Variants in RBFOX1 observed in about 807,000 individuals in gnomAD.
RBFOX1 encodes RNA binding fox-1 homolog 1.
A neutral mutation model predicts 57.7 loss-of-function variants in RBFOX1; 8 were observed. That is an observed-to-expected ratio of 0.14 (90% confidence interval 0.08 to 0.25). The LOEUF is 0.25. Among genes scored for constraint, RBFOX1 ranks in the 10% least tolerant of loss-of-function variants. The pLI, the probability that RBFOX1 is intolerant of heterozygous loss-of-function variation, is 1.00. For synonymous variants in RBFOX1, 326 were observed against 222.4 expected (o/e 1.47, Z -4.15); for missense variants, 611 against 548.5 (o/e 1.11, Z -1.14).
intron 1 of RBFOX1, among the ~76,000 whole-genome samples, chr16:5,420,865 C>T (rs1340716073): frequency 6.8e-5 from 6 of 88,158 alleles, no homozygotes; most frequent in Admixed American, 5.2e-4. Flanking sequence ...TCTTCCTCCT[C>T]CTCCTCTCCC....
At chr16:7,306,010 G>T (rs2096175238) in intron 4 of RBFOX1, among the ~76,000 whole-genome samples, 1 of 152,146 alleles carries the variant, frequency 6.6e-6, no homozygotes, top group African/African-American at 2.4e-5. Context: ...TAGATGCTAA[G>T]CCTCAGTTGG....
chr16:5,604,243 C>G (rs761052427), downstream of RBFOX1, among the ~76,000 whole-genome samples: 4 of 152,192 alleles, frequency 2.6e-5, no homozygotes, highest in Non-Finnish European at 4.4e-5. Context: ...TGGCTTCAAA[C>G]AACACCTGTC....
At chr16:7,653,418 A>T (rs1209715069) in intron 11 of RBFOX1, among the ~76,000 whole-genome samples, 3 of 152,180 alleles carry the variant, frequency 2.0e-5, no homozygotes, top group African/African-American at 7.2e-5. Context: ...AGGTAGGAGG[A>T]TCACTTGAGC....
intron 1 of RBFOX1, among the ~76,000 whole-genome samples, chr16:6,251,133 C>G (rs937698611): frequency 6.6e-6 from 1 of 152,144 alleles, no homozygotes; most frequent in African/African-American, 2.4e-5. Context: ...TGACCACATT[C>G]ACTCCTCACA....
At chr16:7,237,535 A>G (rs2093830450) in intron 4 of RBFOX1, among the ~76,000 whole-genome samples, 2 of 152,260 alleles carry the variant, frequency 1.3e-5, no homozygotes, top group Admixed American at 1.3e-4. Context: ...AAAAGTGAAA[A>G]GCAAAGTGCT....
intron 3 of RBFOX1, among the ~76,000 whole-genome samples, chr16:7,001,474 T>C (rs188654969): frequency 2.7e-5 from 4 of 149,036 alleles, no homozygotes; most frequent in African/African-American, 1.0e-4. Flanking sequence ...ATGTATATTT[T>C]GAGATGGAGT....
chr16:6,426,617 C>T (rs561881739), intron 2 of RBFOX1, among the ~76,000 whole-genome samples: 41 of 152,158 alleles, frequency 2.7e-4, no homozygotes, highest in Non-Finnish European at 3.7e-4. Context: ...GGCAACAGAA[C>T]GACACCTTGT....
chr16:7,049,238 C>T (rs1034050085), intron 3 of RBFOX1, among the ~76,000 whole-genome samples: 2 of 152,100 alleles, frequency 1.3e-5, no homozygotes, highest in African/African-American at 4.8e-5. Context: ...ACCTGCTTCT[C>T]ATCTGAGTCT....
chr16:5,463,579 C>G (rs1050654920), intron 1 of RBFOX1, among the ~76,000 whole-genome samples: 2 of 152,088 alleles, frequency 1.3e-5, no homozygotes, highest in Non-Finnish European at 2.9e-5. Context: ...GCAGGCGGAT[C>G]ACCTGAGGTC....
intron 3 of RBFOX1, among the ~76,000 whole-genome samples, chr16:6,912,791 T>G (rs1336385615): frequency 1.3e-5 from 2 of 151,916 alleles, no homozygotes; most frequent in Admixed American, 6.6e-5. Flanking sequence ...CCGCCTAATT[T>G]TTTTTTTTAA....
chr16:5,406,666 G>A (rs1212004652), intron 1 of RBFOX1, among the ~76,000 whole-genome samples: 2 of 151,974 alleles, frequency 1.3e-5, no homozygotes, highest in Admixed American at 6.6e-5. Context: ...GTATGTATAT[G>A]TGTGTGTGTT....
At chr16:6,957,353 G>C (rs574898673) in intron 3 of RBFOX1, among the ~76,000 whole-genome samples, 1 of 151,908 alleles carries the variant, frequency 6.6e-6, no homozygotes, top group South Asian at 2.1e-4. Flanking sequence ...GGATGGTCTC[G>C]ATCTCCTGAC....
At chr16:7,382,779 A>C (rs1405138169) in intron 4 of RBFOX1, among the ~76,000 whole-genome samples, 2 of 152,246 alleles carry the variant, frequency 1.3e-5, no homozygotes, top group African/African-American at 4.8e-5. Flanking sequence ...AATTTATCCC[A>C]AGTGCTTCAT....
intron 5 of RBFOX1, among the ~76,000 whole-genome samples, chr16:7,567,051 C>G (rs1044438290): frequency 3.3e-5 from 5 of 151,314 alleles, no homozygotes; most frequent in Non-Finnish European, 7.4e-5. Flanking sequence ...AACTGACTGC[C>G]TGAGCGACCC....
chr16:5,683,764 A>AAT (rs1226431950), intron 3 of RBFOX1, among the ~76,000 whole-genome samples: 8 of 148,274 alleles, frequency 5.4e-5, no homozygotes, highest in Non-Finnish European at 1.2e-4. Flanking sequence ...TATAATATAT[A>AAT]ATATATATAC....
chr16:5,517,482 T>A (rs1183128549), intron 2 of RBFOX1, among the ~76,000 whole-genome samples: 1 of 152,224 alleles, frequency 6.6e-6, no homozygotes, highest in Non-Finnish European at 1.5e-5. Flanking sequence ...AGTCTCTGAA[T>A]GTACTAATTC....
intron 4 of RBFOX1, among the ~76,000 whole-genome samples, chr16:7,376,101 C>G (rs1260486549): frequency 1.3e-5 from 2 of 152,136 alleles, no homozygotes; most frequent in East Asian, 1.9e-4. Flanking sequence ...TTCTAAGGCA[C>G]TTTTCTAAAA....
At chr16:6,973,787 T>C (rs1025202999) in intron 3 of RBFOX1, among the ~76,000 whole-genome samples, 11 of 152,170 alleles carry the variant, frequency 7.2e-5, no homozygotes, top group African/African-American at 2.4e-4. Flanking sequence ...AATTTTTATT[T>C]TTTTAAGTTC....
chr16:5,369,142 C>T (rs2065798487), intron 1 of RBFOX1, among the ~76,000 whole-genome samples: 1 of 152,140 alleles, frequency 6.6e-6, no homozygotes, highest in Non-Finnish European at 1.5e-5. Flanking sequence ...GCTAGGATTA[C>T]AAACATGTGC....
Sources: allele counts gnomAD v4.1 joint callset (sites outside exome capture counted in the v4.1 genomes callset), GRCh38; gene constraint gnomAD v4.1.1; transcripts MANE v1.5; gene names NCBI Gene and HGNC (gene_info 2026-07-23, HGNC 2026-07-21).